The following FILIP1L variants were observed in gnomAD, a reference collection of about 807,000 sequenced individuals.
FILIP1L encodes the protein filamin A-interacting protein 1-like.
FILIP1L carries 55 observed loss-of-function variants against 96.6 expected under a neutral mutation model. That is an observed-to-expected ratio of 0.57 (90% CI 0.46 to 0.71). The LOEUF (loss-of-function observed/expected upper bound fraction) is 0.71, where lower values mean the gene tolerates loss of function less well. Ranked by LOEUF, FILIP1L falls within the 30% of genes least tolerant of loss-of-function variation. The pLI, the probability that FILIP1L is intolerant of heterozygous loss-of-function variation, is 0.00. For missense variants in FILIP1L, 1,304 were observed against 1,321.2 expected (o/e 0.99, Z 0.20); for synonymous variants, 467 against 473.9 (o/e 0.99, Z 0.19).
intron 1 of FILIP1L, among the ~76,000 whole-genome samples, chr3:100,022,960 A>G (rs1402555138): frequency 1.3e-5 from 2 of 152,192 alleles, no homozygotes; most frequent in Non-Finnish European, 2.9e-5. Context: ...TGCAAAGGCC[A>G]TGCAATCTCT....
intron 1 of FILIP1L, among the ~76,000 whole-genome samples, chr3:99,979,213 C>G (rs1709051961): frequency 6.6e-6 from 1 of 152,100 alleles, no homozygotes. Flanking sequence ...TATACAATTA[C>G]CTATCAGTTT....
chr3:100,082,498 C>T (rs750707541), intron 1 of FILIP1L, among the ~76,000 whole-genome samples: 7 of 152,096 alleles, frequency 4.6e-5, no homozygotes, highest in Admixed American at 6.6e-5. Flanking sequence ...AGAAATTATT[C>T]GTTTCCAGGA....
intron 1 of FILIP1L, among the ~76,000 whole-genome samples, chr3:99,957,580 T>A (rs911393917): frequency 4.6e-5 from 7 of 151,876 alleles, no homozygotes; most frequent in Non-Finnish European, 7.4e-5. Flanking sequence ...ACAGTTGGAA[T>A]TTTCACCCTC....
chr3:99,982,245 T>C (rs775458917), intron 1 of FILIP1L, among the ~76,000 whole-genome samples: 1 of 152,192 alleles, frequency 6.6e-6, no homozygotes, highest in African/African-American at 2.4e-5. Flanking sequence ...TCTTTTTTTA[T>C]GCCTGTCATG....
At chr3:99,871,980 C>A (rs963012246) in intron 4 of FILIP1L, among the ~76,000 whole-genome samples, 7 of 151,868 alleles carry the variant, frequency 4.6e-5, no homozygotes, top group African/African-American at 1.7e-4. Flanking sequence ...AACTTTGAAC[C>A]TTTCTACTTT....
intron 1 of FILIP1L, among the ~76,000 whole-genome samples, chr3:99,969,120 AG>A (rs1708740812): frequency 6.6e-6 from 1 of 152,152 alleles, no homozygotes; most frequent in African/African-American, 2.4e-5. Flanking sequence ...CCATGTGTGG[AG>A]GGCAGGGCAG....
intron 4 of FILIP1L, among the ~76,000 whole-genome samples, chr3:99,899,154 C>A (rs1228456182): frequency 1.3e-5 from 2 of 152,144 alleles, no homozygotes; most frequent in African/African-American, 4.8e-5. Context: ...GAACTCATTT[C>A]TTTTTATCTA....
chr3:99,961,703 A>T lies in FILIP1L; in HGVS notation c.-10-30673T>A, dbSNP rs550710135. Among the ~76,000 whole-genome samples, 10 of 152,234 alleles carry T rather than the reference A, an allele frequency of 6.6e-5. 1 individual carries two copies. In the South Asian group the frequency reaches 2.1e-3, roughly 32 times the overall value. The stretch of plus-strand genomic sequence containing the variant: ...ATTCTTTTATAAGTGATTTAGTCTA[A>T]AAAAAATTTTTTAAGAATATTCTTC... On this transcript the variant is annotated intron_variant, in intron 1 of 5. Coordinates refer to ENST00000477258, the MANE Select transcript of FILIP1L (RefSeq NM_001387850.1).
At chr3:100,013,855 A>C (rs899202848) in intron 1 of FILIP1L, among the ~76,000 whole-genome samples, 1 of 152,160 alleles carries the variant, frequency 6.6e-6, no homozygotes, top group African/African-American at 2.4e-5. Context: ...GCAATTTTCA[A>C]GTGTACAATA....
intron 4 of FILIP1L, among the ~76,000 whole-genome samples, chr3:99,851,599 G>GT (rs1353594208): frequency 2.0e-5 from 3 of 152,184 alleles, no homozygotes; most frequent in Non-Finnish European, 2.9e-5. Context: ...CTGGCACATG[G>GT]TAAGCATTTG....
intron 1 of FILIP1L, among the ~76,000 whole-genome samples, chr3:99,992,002 A>ATGTG (rs1201211092): frequency 6.0e-4 from 90 of 149,716 alleles, no homozygotes; most frequent in African/African-American, 2.2e-3. Context: ...ACGTATATAT[A>ATGTG]TGTGTGTGTG....
chr3:99,936,089 T>C (rs1707656734), intron 1 of FILIP1L, among the ~76,000 whole-genome samples: 1 of 152,192 alleles, frequency 6.6e-6, no homozygotes, highest in Non-Finnish European at 1.5e-5. Context: ...TAGTCTTCAT[T>C]TTCTTACTCA....
At chr3:100,087,854 T>G (rs1311545124) in intron 1 of FILIP1L, among the ~76,000 whole-genome samples, 2 of 134,268 alleles carry the variant, frequency 1.5e-5, no homozygotes, top group Non-Finnish European at 3.3e-5. Context: ...TTTTTTTTTT[T>G]GAGTCTCACT....
Position 100,074,675 on chromosome 3 carries a change from A to ATTTTTTTTTT in FILIP1L, c.-11+39368_-11+39377dup, listed in dbSNP as rs555819875. On this transcript the variant is annotated intron_variant, in intron 1 of 5. Coordinates refer to ENST00000477258, the MANE Select transcript of FILIP1L (RefSeq NM_001387850.1). ...ATTTTCTATGCATGTGCAACATTTG[A>ATTTTTTTTTT]TTTTTTTTTTTTTTTTTTTTTTTTT... Among the ~76,000 whole-genome samples, 600 of 34,798 alleles carry ATTTTTTTTTT rather than the reference A, an allele frequency of 0.017. 252 individuals are homozygous for ATTTTTTTTTT. The Middle Eastern group carries it at 0.2, about 12-fold the overall frequency. 22.8% of individuals were successfully genotyped at this position (34,798 alleles called of 152,430 possible).
At chr3:99,879,099 A>T (rs1296645155) in intron 4 of FILIP1L, among the ~76,000 whole-genome samples, 1 of 152,208 alleles carries the variant, frequency 6.6e-6, no homozygotes, top group Non-Finnish European at 1.5e-5. Flanking sequence ...AAATAAGCAT[A>T]CCTAGACACC....
chr3:99,882,162 A>G (rs1180268119), intron 4 of FILIP1L, among the ~76,000 whole-genome samples: 1 of 152,230 alleles, frequency 6.6e-6, no homozygotes, highest in East Asian at 1.9e-4. Context: ...AAAATAAAGC[A>G]TCCAGGAAGT....
intron 1 of FILIP1L, among the ~76,000 whole-genome samples, chr3:99,991,521 C>G (rs1431508063): frequency 6.6e-6 from 1 of 152,010 alleles, no homozygotes; most frequent in Non-Finnish European, 1.5e-5. Context: ...GCATCATGGT[C>G]AAGTCTGGGC....
chr3:99,872,377 T>C (rs1411860045), intron 4 of FILIP1L, among the ~76,000 whole-genome samples: 3 of 151,144 alleles, frequency 2.0e-5, no homozygotes, highest in African/African-American at 7.3e-5. Context: ...CTTATCAAGG[T>C]ACTTCTCAAA....
chr3:100,002,643 C>T (rs1709876285), intron 1 of FILIP1L, among the ~76,000 whole-genome samples: 1 of 152,086 alleles, frequency 6.6e-6, no homozygotes, highest in Non-Finnish European at 1.5e-5. Context: ...TGTGATTGAC[C>T]TCAATTTTTA....
Sources: gnomAD v4.1 joint callset for allele counts (sites outside exome capture counted in the v4.1 genomes callset) on GRCh38, gnomAD v4.1.1 for gene constraint, MANE v1.5 for transcripts, NCBI Gene and HGNC (gene_info 2026-07-23, HGNC 2026-07-21) for gene names.